TRAP1: variants seen among roughly 807,000 people sequenced by gnomAD.
TRAP1 encodes TNF receptor associated protein 1.
A neutral mutation model predicts 89.1 loss-of-function variants in TRAP1; 102 were observed. That is an observed-to-expected ratio of 1.15 (90% confidence interval 0.98 to 1.35). The LOEUF (loss-of-function observed/expected upper bound fraction) is 1.35, where lower values mean the gene tolerates loss of function less well. Among genes scored for constraint, TRAP1 ranks in the 40% most tolerant of loss-of-function variants. The pLI is 0.00. For missense variants in TRAP1, 1,256 were observed against 945.3 expected (o/e 1.33, Z -4.31); for synonymous variants, 508 against 388.0 (o/e 1.31, Z -3.64).
rs147943000 is a variant in TRAP1 at position 3,709,654 on chromosome 16, T to G, written c.88+7767A>C. 8.5e-3 allele frequency among the ~76,000 whole-genome samples: 1,291 copies of G among 152,016 alleles called. 16 individuals carry two copies. Among genetic ancestry groups the G allele is most frequent in the African/African-American group, 0.023 (962 of 41,386 alleles). On this transcript the variant is annotated intron_variant, in intron 1 of 17. Transcript: ENST00000246957. ...CAGTTTACCTTTGTTTCCCTTTTTT[T>G]TGTGTGTGTGTGTGAGACGGAGTTT...
intron 1 of TRAP1, among the ~76,000 whole-genome samples, chr16:3,699,713 G>A (rs2151276664): frequency 6.6e-6 from 1 of 152,014 alleles, no homozygotes. Flanking sequence ...TGTCACCCAG[G>A]CTGGAGTGCA....
chr16:3,716,232 T>A (rs2051596784), intron 1 of TRAP1, among the ~76,000 whole-genome samples: 1 of 152,202 alleles, frequency 6.6e-6, no homozygotes, highest in African/African-American at 2.4e-5. Flanking sequence ...GAATAGGCAG[T>A]CTTGATGCCT....
intron 1 of TRAP1, among the ~76,000 whole-genome samples, chr16:3,692,428 C>T (rs1436147228): frequency 3.3e-5 from 5 of 150,742 alleles, no homozygotes; most frequent in African/African-American, 1.2e-4. Flanking sequence ...CCCAGCTACT[C>T]GGGAGACTGA....
At chr16:3,717,232 G>C (rs2051609470) in intron 1 of TRAP1, among the ~76,000 whole-genome samples, 189 bp downstream of exon 1, 1 of 152,236 alleles carries the variant, frequency 6.6e-6, no homozygotes, top group African/African-American at 2.4e-5. Context: ...GTCCAGCCGA[G>C]GAAAAGGCAG....
Position 3,674,352 on chromosome 16 carries a change from TAGA to T in TRAP1, c.1028_1030del (p.Phe343del). The T allele has an allele frequency of 2.5e-6, 4 of 1,613,996 alleles. No individual in the cohort carries two copies. The highest frequency in any genetic ancestry group is 2.2e-5 in the East Asian group (1 of 44,876). On this transcript the variant is annotated inframe_deletion, in exon 9 of 18. Coordinates refer to ENST00000246957, the MANE Select transcript of TRAP1 (RefSeq NM_016292.3). ...ACAGTGCCTCACCATGTCGGGCACG[TAGA>T]AGATGCTGCGGATGTTGAGCGGTGC...
intron 1 of TRAP1, among the ~76,000 whole-genome samples, chr16:3,714,826 A>G (rs1480921185): frequency 6.6e-6 from 1 of 152,216 alleles, no homozygotes; most frequent in Admixed American, 6.5e-5. Context: ...AGCCAGGCAC[A>G]TGCTACAACC....
Position 3,672,734 on chromosome 16 carries a change from C to G in TRAP1, c.1131G>C (p.Thr377=), listed in dbSNP as rs372038149. 3 of 1,610,284 alleles carry G rather than the reference C, an allele frequency of 1.9e-6. No homozygotes were observed. Among genetic ancestry groups the G allele is most frequent in the Admixed American group, 3.4e-5 (2 of 59,556 alleles). ...AGCGCAGCCACTTGGGCAGGATGTC[C>G]GTGGCCTTGGTCTGGATGAGGACTT... ...SRKVLIQTKA[T]DILPKWLRFI... is the part of the protein sequence containing the mutation. Residue 377 remains threonine (T), a synonymous_variant, in exon 10 of 18, where the codon ACG becomes ACC. Transcript: ENST00000246957.
At chr16:3,665,056 GC>G (rs1349848405) in intron 12 of TRAP1, 1 of 153,922 alleles carries the variant, frequency 6.5e-6, no homozygotes, top group East Asian at 1.9e-4. Flanking sequence ...AACCAGCAGG[GC>G]CCAGGCCACC....
chr16:3,661,416 C>T (rs2151237309), intron 16 of TRAP1: 1 of 152,276 alleles, frequency 6.6e-6, no homozygotes, highest in South Asian at 2.1e-4. Flanking sequence ...GCAGCTCCCA[C>T]CACCGGGGCC....
intron 13 of TRAP1, 47 bp downstream of exon 13, chr16:3,664,227 C>T: frequency 6.7e-7 from 1 of 1,489,858 alleles, no homozygotes; most frequent in East Asian, 2.4e-5. Flanking sequence ...TCAAGACCCT[C>T]CCCAGGTTGC....
rs369866849 is a variant in TRAP1 at position 3,689,077 on chromosome 16, C to T, written c.308G>A (p.Arg103Gln). The part of the protein sequence containing the change: ...ETKKLLDIVA[R>Q]SLYSEKEVFI... ...CACCTCTTTTTCTGAGTACAGGGAC[C>T]GGGCAACAATGTCCAAAAGCTTCTT... The change falls in exon 3 of 18, where the codon CGG becomes CAG. Residue 103 changes from arginine (R) to glutamine (Q), a missense_variant. Arg to Gln is a conservative substitution (Grantham distance 43). Transcript: ENST00000246957. 4.0e-5 allele frequency: 64 copies of T among 1,613,642 alleles called. No individual in the cohort carries two copies. Among genetic ancestry groups the T allele is most frequent in the East Asian group, 1.6e-4 (7 of 44,876 alleles).
chr16:3,703,205 C>A lies in TRAP1; in HGVS notation c.89-12220G>T, dbSNP rs145787646. Reference sequence around the variant, plus strand: ...AATGCATTTACCAAGAAAGCAAAATCTTTCCTTTTTTTTCTTTTTTGGCAA... The same window carrying A: ...AATGCATTTACCAAGAAAGCAAAATATTTCCTTTTTTTTCTTTTTTGGCAA... On this transcript the variant is annotated intron_variant, in intron 1 of 17. Coordinates refer to ENST00000246957, the MANE Select transcript of TRAP1 (RefSeq NM_016292.3). 7.1e-4 allele frequency among the ~76,000 whole-genome samples: 108 copies of A among 151,618 alleles called. 1 individual carries two copies. Among genetic ancestry groups the A allele is most frequent in the Non-Finnish European group, 1.3e-3 (91 of 67,972 alleles).
rs1297045011 is a variant in TRAP1, at chr16:3,663,718, C to T, written c.1570-156G>A. The T allele has an allele frequency of 2.4e-5, 20 of 849,442 alleles. 1 individual carries two copies. The highest frequency in any genetic ancestry group is 2.3e-4 in the South Asian group (13 of 57,016). 52.6% of individuals were successfully genotyped at this position (849,442 alleles called of 1,614,324 possible). Reference sequence around the variant, plus strand: ...TCCTAGGCCTGCATGACAGTTACTACGACACCTGGGTCTAAGGAAGGCTCT... The same window carrying T: ...TCCTAGGCCTGCATGACAGTTACTATGACACCTGGGTCTAAGGAAGGCTCT... On this transcript the variant is annotated intron_variant, in intron 13 of 17. Transcript: ENST00000246957.
chr16:3,673,874 C>A (rs1177275532), intron 9 of TRAP1, among the ~76,000 whole-genome samples: 2 of 151,912 alleles, frequency 1.3e-5, no homozygotes, highest in Admixed American at 6.6e-5. Flanking sequence ...AACGGAGAGG[C>A]AAGACCACAG....
chr16:3,680,580 C>T (rs765102924), intron 4 of TRAP1, among the ~76,000 whole-genome samples: 9 of 152,244 alleles, frequency 5.9e-5, no homozygotes, highest in Non-Finnish European at 1.0e-4. Context: ...CGGGCACAGA[C>T]GCCTCTCCTG....
chr16:3,669,509 T>G (rs952920071), intron 11 of TRAP1, among the ~76,000 whole-genome samples: 5 of 152,080 alleles, frequency 3.3e-5, no homozygotes, highest in Non-Finnish European at 5.9e-5. Flanking sequence ...ACCCCTAGTA[T>G]TCTATCCTAA....
At chr16:3,675,469 A>C in intron 7 of TRAP1, 72 bp from the exon 8 acceptor site, 1 of 1,470,918 alleles carries the variant, frequency 6.8e-7, no homozygotes, top group Non-Finnish European at 9.5e-7. Context: ...CAGCAGCTCC[A>C]GGATGAGCGC....
chr16:3,705,091 G>C (rs1352145742), intron 1 of TRAP1, among the ~76,000 whole-genome samples: 1 of 151,958 alleles, frequency 6.6e-6, no homozygotes, highest in South Asian at 2.1e-4. Flanking sequence ...TTGAGACGGA[G>C]TCTCGCTCTG....
chr16:3,701,122 A>G (rs868238809), intron 1 of TRAP1, among the ~76,000 whole-genome samples: 2 of 152,318 alleles, frequency 1.3e-5, no homozygotes, highest in Middle Eastern at 6.8e-3. Context: ...TACCATCCAA[A>G]AAGTGTGTTT....
Sources: allele counts gnomAD v4.1 joint callset (sites outside exome capture counted in the v4.1 genomes callset), GRCh38; gene constraint gnomAD v4.1.1; transcripts MANE v1.5; gene names NCBI Gene and HGNC (gene_info 2026-07-23, HGNC 2026-07-21).